ENO3: variants seen among roughly 807,000 people sequenced by gnomAD.
ENO3 encodes enolase 3.
Under a neutral mutation model 47.7 loss-of-function variants are expected in ENO3, and 46 were observed. That is an observed-to-expected ratio of 0.96 (90% CI 0.76 to 1.23). ENO3 has a LOEUF of 1.23. Among genes scored for constraint, ENO3 ranks in the 50% most tolerant of loss-of-function variants. The pLI, the probability that ENO3 is intolerant of heterozygous loss-of-function variation, is 0.00. For synonymous variants in ENO3, 223 were observed against 225.9 expected (o/e 0.99, Z 0.11); for missense variants, 575 against 566.2 (o/e 1.02, Z -0.16).
intron 3 of ENO3, 24 bp from the exon 4 acceptor site, chr17:4,953,027 A>G (rs374519215): frequency 1.4e-5 from 22 of 1,614,168 alleles, no homozygotes; most frequent in Non-Finnish European, 1.6e-5. Flanking sequence ...TTGAGCTCCA[A>G]AACTCATCCT....
chr17:4,953,078 A>C lies in ENO3; in HGVS notation c.209A>C (p.Asn70Thr). The part of the protein sequence containing the change: ...KGVLKAVENI[N>T]NTLGPALLQK... ...GTCCTGAAGGCTGTGGAGAACATCA[A>C]CAATACTCTGGGCCCTGCTCTGCTG... The change falls in exon 4 of 12, where the codon AAC becomes ACC. Residue 70 changes from asparagine (N) to threonine (T), a missense_variant. Physicochemically the swap from Asn to Thr is moderately conservative, Grantham distance 65. Transcript: ENST00000519602. The C allele has an allele frequency of 6.2e-7, 1 of 1,614,208 alleles. No homozygotes were observed. The highest frequency in any genetic ancestry group is 8.5e-7 in the Non-Finnish European group (1 of 1,180,034).
upstream of ENO3, chr17:4,949,015 T>C (rs1487181682): frequency 2.6e-5 from 4 of 151,268 alleles, no homozygotes; most frequent in East Asian, 7.8e-4. Context: ...GGGCCGGGAG[T>C]GCATGGGGCG....
In ENO3 at chr17:4,956,505, C is replaced by G. The variant is rs1440612541; in HGVS notation, c.1068-68C>G. On this transcript the variant is annotated intron_variant, in intron 9 of 11. Coordinates refer to ENST00000519602, the MANE Select transcript of ENO3 (RefSeq NM_053013.4). ...GCTACCCAAAACAGAAGGGAGAGGCCCCACCCAACCCCTGCTTTCCCACTG... is the reference window on the plus strand; with the variant it reads ...GCTACCCAAAACAGAAGGGAGAGGCGCCACCCAACCCCTGCTTTCCCACTG... 7 of 1,516,418 alleles carry G rather than the reference C, an allele frequency of 4.6e-6. No homozygotes were observed. The African/African-American group carries it at 9.6e-5, about 21-fold the overall frequency. 93.9% of individuals were successfully genotyped at this position (1,516,418 alleles called of 1,614,324 possible). A position where few individuals can be genotyped will look rare whatever the true frequency, so the allele number is the denominator to read the frequency against.
rs1971657725 is a variant in ENO3 at position 4,954,601 on chromosome 17, C to T, written c.445-474C>T. ...AAAAGATCCTACAGGGAAGTAGGTGCTATCCCCATTTTACAGAAATGAGGA... is the reference window on the plus strand; with the variant it reads ...AAAAGATCCTACAGGGAAGTAGGTGTTATCCCCATTTTACAGAAATGAGGA... On this transcript the variant is annotated intron_variant, in intron 6 of 11. Transcript: ENST00000519602. Among the ~76,000 whole-genome samples the T allele has an allele frequency of 2.6e-5, 4 of 152,208 alleles. No individual in the cohort carries two copies. In the South Asian group the frequency reaches 6.2e-4, roughly 24 times the overall value.
chr17:4,952,064 G>T (rs565556772), intron 2 of ENO3, 150 bp downstream of exon 2: 1 of 848,998 alleles, frequency 1.2e-6, no homozygotes, highest in African/African-American at 1.7e-5. Context: ...TGGAACCAGA[G>T]CTGGAAGCTA....
At position 4,956,346 on chromosome 17, in the gene ENO3, C is replaced by A. The variant is rs1197892557; in HGVS notation, c.1067+203C>A. 10 of 744,906 alleles carry A rather than the reference C, an allele frequency of 1.3e-5. No homozygotes were observed. In the Admixed American group the frequency reaches 1.5e-4, roughly 11 times the overall value. 46.1% of individuals were successfully genotyped at this position (744,906 alleles called of 1,614,324 possible). A position where few individuals can be genotyped will look rare whatever the true frequency, so the allele number is the denominator to read the frequency against. On this transcript the variant is annotated intron_variant, in intron 9 of 11. Transcript: ENST00000519602. ...CCCCTGTGGCTCTGTCATGACCCCC[C>A]ACCCCCAGCCCACACCATTCCTCTC... is the stretch of plus-strand genomic sequence containing the variant.
chr17:4,955,883 C>CCTGTCTCTGCCCTGTCTCTGCT lies in ENO3; in HGVS notation c.866-35_866-14dup, dbSNP rs1567673169. The stretch of plus-strand genomic sequence containing the variant: ...TGCCCTGTCTCTGCTCTGTCTCTGC[C>CCTGTCTCTGCCCTGTCTCTGCT]CTGTCTCTGCCCTGTCTCTGCTCTG... On this transcript the variant is annotated intron_variant, in intron 8 of 11. Transcript: ENST00000519602. 60 of 1,168,922 alleles carry CCTGTCTCTGCCCTGTCTCTGCT rather than the reference C, an allele frequency of 5.1e-5. No homozygotes were observed. The African/African-American group carries it at 1.0e-3, about 20-fold the overall frequency. The allele number at this position is 1,168,922 out of a possible 1,614,324, so 72.4% of individuals were successfully genotyped here.
Position 4,956,679 on chromosome 17 carries a change from CAG to C in ENO3, c.1175_1176del (p.Gln392HisfsTer38). The C allele has an allele frequency of 6.2e-7, 1 of 1,614,196 alleles. No individual in the cohort carries two copies. The highest frequency in any genetic ancestry group is 8.5e-7 in the Non-Finnish European group (1 of 1,180,034). ...ADLVVGLCTGQIKTGAPCRSE... is the reference protein window; with the variant it reads ...ADLVVGLCTGXIKTGAPCRSE... ...CCTTGTGGTGGGGCTCTGCACAGGA[CAG>C]GTACTTGTAGCTTCTCTCTACTGAG... is the stretch of plus-strand genomic sequence containing the variant. On this transcript the variant is annotated frameshift_variant and splice_region_variant, in exon 10 of 12. Transcript: ENST00000519602. LOFTEE classifies it high-confidence loss of function.
At chr17:4,954,034 CTA>C (rs1187109980) in intron 6 of ENO3, 189 bp downstream of exon 6, 2 of 851,310 alleles carry the variant, frequency 2.3e-6, no homozygotes, top group Non-Finnish European at 3.7e-6. Flanking sequence ...CCTGAAGGCT[CTA>C]TGTGCTTCCT....
rs1478803392 is a variant in ENO3 at position 4,952,823 on chromosome 17, G to C, written c.114G>C (p.Gly38=). The change falls in exon 3 of 12, where the codon GGG becomes GGC. Residue 38 remains glycine (G), a synonymous_variant. Transcript: ENST00000519602. ...GATTCCGAGCAGCTGTGCCCAGTGG[G>C]GCTTCCACGGGTATCTATGAGGCTC... ...KGRFRAAVPS[G]ASTGIYEALE... 1 of 1,611,586 alleles carries C rather than the reference G, an allele frequency of 6.2e-7. No individual in the cohort carries two copies.
In ENO3 at chr17:4,952,902, C is replaced by T. The variant is rs1352578095; in HGVS notation, c.181+12C>T. ...CTACCTGGGGAAAGGTGAGGAGACA[C>T]CAGCGCAGAAGGAGCCTGTGTGGGC... is the stretch of plus-strand genomic sequence containing the variant. On this transcript the variant is annotated intron_variant, in intron 3 of 11. Coordinates refer to ENST00000519602, the MANE Select transcript of ENO3 (RefSeq NM_053013.4). The T allele has an allele frequency of 1.2e-6, 2 of 1,611,584 alleles. No individual in the cohort carries two copies. Among genetic ancestry groups the T allele is most frequent in the Admixed American group, 1.7e-5 (1 of 59,652 alleles).
chr17:4,952,716 C>A lies in ENO3; in HGVS notation c.86-79C>A, dbSNP rs1971579009. 1.1e-5 allele frequency: 15 copies of A among 1,378,120 alleles called. No homozygotes were observed. In the South Asian group the frequency reaches 1.6e-4, roughly 15 times the overall value. 85.4% of individuals were successfully genotyped at this position (1,378,120 alleles called of 1,614,324 possible). On this transcript the variant is annotated intron_variant, in intron 2 of 11. Transcript: ENST00000519602. The stretch of plus-strand genomic sequence containing the variant: ...ATCTCAAGTGATCCACCTGCCTAGG[C>A]CTCTCAAAGTGCTGGGATTACAGGC...
In ENO3 at chr17:4,955,478, G is replaced by A. The variant is rs1481366097; in HGVS notation, c.739G>A (p.Ala247Thr). The A allele has an allele frequency of 1.9e-6, 3 of 1,614,110 alleles. No individual in the cohort carries two copies. The highest frequency in any genetic ancestry group is 2.7e-5 in the African/African-American group (2 of 74,932). ...PDKVVIGMDV[A>T]ASEFYRNGKY... ...CAAGGTGGTGATCGGCATGGATGTG[G>A]CAGCATCTGAGTTCTATCGCAATGG... The change falls in exon 8 of 12, where the codon GCA becomes ACA. Residue 247 changes from alanine to threonine, a missense_variant. Coordinates refer to ENST00000519602, the MANE Select transcript of ENO3 (RefSeq NM_053013.4).
upstream of ENO3, among the ~76,000 whole-genome samples, chr17:4,949,719 C>G (rs113676037): frequency 6.6e-6 from 1 of 152,234 alleles, no homozygotes; most frequent in Non-Finnish European, 1.5e-5. Context: ...GGCAAGGGGT[C>G]ACCGAGCGCG....
upstream of ENO3, chr17:4,950,962 G>A (rs1394992835): frequency 1.1e-6 from 1 of 913,272 alleles, no homozygotes; most frequent in African/African-American, 1.8e-5. Context: ...TTGGTAAGGG[G>A]GCAGGTGCCC....
chr17:4,952,343 ATTTTT>A, intron 2 of ENO3: 5 of 253,548 alleles, frequency 2.0e-5, no homozygotes, highest in Admixed American at 1.2e-4. Flanking sequence ...CGCCCAGCTA[ATTTTT>A]TTTTTTTTTT....
upstream of ENO3, chr17:4,950,746 G>A: frequency 1.1e-6 from 1 of 905,762 alleles, no homozygotes; most frequent in South Asian, 5.1e-5. Context: ...CCTCTTCCAG[G>A]CCCCCTCCCC....
intron 6 of ENO3, 72 bp from the exon 7 acceptor site, chr17:4,955,003 C>CA: frequency 1.4e-6 from 2 of 1,412,602 alleles, no homozygotes; most frequent in Non-Finnish European, 9.7e-7. Flanking sequence ...TCCACCCCAA[C>CA]ACCCCCCGCC....
intron 2 of ENO3, chr17:4,952,153 G>T: frequency 1.6e-6 from 1 of 637,976 alleles, no homozygotes; most frequent in Non-Finnish European, 2.9e-6. Context: ...GAGAGGTAGA[G>T]AGACTCCCTG....
Sources: gnomAD v4.1 joint callset for allele counts (sites outside exome capture counted in the v4.1 genomes callset) on GRCh38, gnomAD v4.1.1 for gene constraint, MANE v1.5 for transcripts, NCBI Gene and HGNC (gene_info 2026-07-23, HGNC 2026-07-21) for gene names.